Variants in APOBEC3F observed in about 807,000 individuals in gnomAD.
APOBEC3F encodes DNA dC->dU-editing enzyme APOBEC-3F.
APOBEC3F carries 34 observed loss-of-function variants against 45.8 expected under a neutral mutation model. That is an observed-to-expected ratio of 0.74 (90% confidence interval 0.57 to 0.99). The LOEUF (loss-of-function observed/expected upper bound fraction) is 0.99. Ranked by LOEUF, APOBEC3F falls within the 50% of genes least tolerant of loss-of-function variation. The pLI, the probability that APOBEC3F is intolerant of heterozygous loss-of-function variation, is 0.00. For synonymous variants in APOBEC3F, 192 were observed against 174.4 expected, an observed-to-expected ratio of 1.10 and a Z score of -0.80; for missense variants, 459 against 474.1, an observed-to-expected ratio of 0.97 and a Z score of 0.30.
chr22:39,045,836 A>G (rs145600842), intron 4 of APOBEC3F, among the ~76,000 whole-genome samples: 3,077 of 152,022 alleles, frequency 0.02, 41 homozygotes, highest in South Asian at 0.039. Context: ...TCTCCCTGGC[A>G]TAATCGAATT....
At chr22:39,051,387 A>G (rs1395480196) in intron 5 of APOBEC3F, among the ~76,000 whole-genome samples, 5 of 151,662 alleles carry the variant, frequency 3.3e-5, no homozygotes, top group African/African-American at 4.8e-5. Context: ...AATACAAAAA[A>G]TTAGCCAGGC....
At chr22:39,041,328 A>G (rs564637330) in intron 1 of APOBEC3F, among the ~76,000 whole-genome samples, 20 of 151,412 alleles carry the variant, frequency 1.3e-4, no homozygotes, top group African/African-American at 4.1e-4. Flanking sequence ...AATTGAACCA[A>G]AGGATGATTA....
chr22:39,041,901 T>C (rs1926920310), intron 1 of APOBEC3F, among the ~76,000 whole-genome samples: 1 of 151,832 alleles, frequency 6.6e-6, no homozygotes, highest in African/African-American at 2.4e-5. Context: ...ATGGAATATA[T>C]GGGAAAAAAA....
In APOBEC3F at chr22:39,054,708, C is replaced by A. The variant is rs770811689; in HGVS notation, c.*2013C>A. Among the ~76,000 whole-genome samples, 2 of 152,236 alleles carry A rather than the reference C, an allele frequency of 1.3e-5. No homozygotes were observed. The highest frequency in any genetic ancestry group is 2.9e-5 in the Non-Finnish European group (2 of 68,042). On this transcript the variant is annotated 3_prime_UTR_variant, in exon 7 of 7. Transcript: ENST00000308521. Reference sequence around the variant, plus strand: ...CGGACTGCGTGTATGTCCCAAATTACAATTCTTTCTTTGCAAATGAAATGT... The same window carrying A: ...CGGACTGCGTGTATGTCCCAAATTAAAATTCTTTCTTTGCAAATGAAATGT...
chr22:39,045,157 T>A lies in APOBEC3F; in HGVS notation c.388T>A (p.Tyr130Asn). ...ARLYYYWERDYRRALCRLSQA... is the reference protein window; with the variant it reads ...ARLYYYWERDNRRALCRLSQA... The stretch of plus-strand genomic sequence containing the variant: ...CCTCTACTACTACTGGGAAAGAGAT[T>A]ACCGAAGGGCGCTCTGCAGGCTGAG... The change falls in exon 3 of 7, where the codon TAC (tyrosine) becomes AAC (asparagine). Residue 130 changes from tyrosine to asparagine, a missense_variant. Physicochemically the swap from Tyr to Asn is moderately radical, Grantham distance 143 (BLOSUM62 -2). Coordinates refer to ENST00000308521, the MANE Select transcript of APOBEC3F (RefSeq NM_145298.6). 1.9e-6 allele frequency: 3 copies of A among 1,614,122 alleles called. No individual in the cohort carries two copies. Among genetic ancestry groups the A allele is most frequent in the Non-Finnish European group, 2.5e-6 (3 of 1,180,002 alleles).
chr22:39,047,930 C>G (rs551596816), intron 4 of APOBEC3F, among the ~76,000 whole-genome samples: 2 of 152,252 alleles, frequency 1.3e-5, no homozygotes, highest in Admixed American at 1.3e-4. Flanking sequence ...TGTTTCAACA[C>G]AAAGTCTTAG....
At chr22:39,047,040 C>T (rs1569071220) in intron 4 of APOBEC3F, among the ~76,000 whole-genome samples, 1 of 152,156 alleles carries the variant, frequency 6.6e-6, no homozygotes, top group African/African-American at 2.4e-5. Context: ...CACCAGCCTC[C>T]ACCCTTCTGT....
At chr22:39,043,948 C>T in intron 2 of APOBEC3F, 1 of 1,284,960 alleles carries the variant, frequency 7.8e-7, no homozygotes, top group Non-Finnish European at 1.0e-6. Context: ...CCGCTTGAAC[C>T]CATGAGGCAG....
intron 4 of APOBEC3F, 85 bp downstream of exon 4, chr22:39,045,627 G>A (rs1927179506): frequency 1.3e-6 from 2 of 1,597,220 alleles, no homozygotes; most frequent in Non-Finnish European, 1.7e-6. Context: ...AGGCCCTCCT[G>A]CCCTCCGTCC....
rs1262855748 is a variant in APOBEC3F, at chr22:39,040,957, A to G, written c.-4A>G. ...AGATCTTAGTCGGGACTAGCCGGCC[A>G]AGGATGAAGCCTCACTTCAGGTACC... On this transcript the variant is annotated 5_prime_UTR_variant, in exon 1 of 7. Coordinates refer to ENST00000308521, the MANE Select transcript of APOBEC3F (RefSeq NM_145298.6). The G allele has an allele frequency of 3.8e-6, 6 of 1,580,602 alleles. No homozygotes were observed. In the Admixed American group the frequency reaches 9.2e-5, roughly 24 times the overall value.
At chr22:39,043,467 ATT>A (rs542976503) in intron 2 of APOBEC3F, among the ~76,000 whole-genome samples, 2 of 139,010 alleles carry the variant, frequency 1.4e-5, no homozygotes. Context: ...CGCCCAGCTA[ATT>A]TTTTTTTTTT....
At chr22:39,045,840 T>C (rs1927190386) in intron 4 of APOBEC3F, among the ~76,000 whole-genome samples, 2 of 151,838 alleles carry the variant, frequency 1.3e-5, no homozygotes, top group African/African-American at 2.4e-5. Context: ...CCTGGCATAA[T>C]CGAATTTGTC....
At position 39,054,098 on chromosome 22, in the gene APOBEC3F, T is replaced by C. The variant is rs556893320; in HGVS notation, c.*1403T>C. On this transcript the variant is annotated 3_prime_UTR_variant, in exon 7 of 7. Coordinates refer to ENST00000308521, the MANE Select transcript of APOBEC3F (RefSeq NM_145298.6). ...TGCGGTCTCGGCTCACTGCAACCTC[T>C]GCCTCCCTTGTTCAAGTGATTCTCC... 9.0e-3 allele frequency among the ~76,000 whole-genome samples: 1,376 copies of C among 152,148 alleles called. 25 individuals carry two copies. Among genetic ancestry groups the C allele is most frequent in the African/African-American group, 0.031 (1,296 of 41,524 alleles).
intron 5 of APOBEC3F, among the ~76,000 whole-genome samples, chr22:39,049,891 C>A (rs544921037): frequency 6.6e-6 from 1 of 151,704 alleles, no homozygotes; most frequent in South Asian, 2.1e-4. Flanking sequence ...TTAGTAGAGA[C>A]GGGGTTTCAC....
At chr22:39,043,735 C>T (rs1418079964) in intron 2 of APOBEC3F, among the ~76,000 whole-genome samples, 4 of 151,748 alleles carry the variant, frequency 2.6e-5, no homozygotes, top group African/African-American at 9.7e-5. Flanking sequence ...GCTGTGTAGG[C>T]CACGCTTGGT....
intron 4 of APOBEC3F, among the ~76,000 whole-genome samples, chr22:39,048,224 C>G (rs748636253): frequency 5.3e-5 from 8 of 152,198 alleles, no homozygotes; most frequent in Admixed American, 5.2e-4. Flanking sequence ...AGGGCTGGCC[C>G]GGAAAGGGGC....
chr22:39,049,521 C>G lies in APOBEC3F; in HGVS notation c.663C>G (p.Thr221=). The change falls in exon 5 of 7, where the codon ACC becomes ACG. Residue 221 remains threonine (T), a synonymous_variant. Transcript: ENST00000308521. The stretch of plus-strand genomic sequence containing the variant: ...GGAACGAAAGCTGGCTGTGCTTCAC[C>G]ATGGAAGTTGTAAAGCACCACTCAC... ...YGRNESWLCF[T]MEVVKHHSPV... 6.2e-7 allele frequency: 1 copy of G among 1,614,044 alleles called. No individual in the cohort carries two copies. Among genetic ancestry groups the G allele is most frequent in the Non-Finnish European group, 8.5e-7 (1 of 1,180,004 alleles).
In APOBEC3F at chr22:39,052,890, T is replaced by C; in HGVS notation, c.*195T>C. ...CCAGGCTCTTCCTGCAGAGGCCTCTTTCTGCCTCCATGGCTATCCATCCAC... is the reference window on the plus strand; with the variant it reads ...CCAGGCTCTTCCTGCAGAGGCCTCTCTCTGCCTCCATGGCTATCCATCCAC... On this transcript the variant is annotated 3_prime_UTR_variant, in exon 7 of 7. Transcript: ENST00000308521. 7.8e-7 allele frequency: 1 copy of C among 1,278,224 alleles called. No homozygotes were observed. Among genetic ancestry groups the C allele is most frequent in the East Asian group, 2.8e-5 (1 of 35,766 alleles). 79.2% of individuals were successfully genotyped at this position (1,278,224 alleles called of 1,614,324 possible).
intron 4 of APOBEC3F, among the ~76,000 whole-genome samples, chr22:39,048,825 A>C (rs902698258): frequency 6.6e-6 from 1 of 151,844 alleles, no homozygotes; most frequent in Non-Finnish European, 1.5e-5. Context: ...AAATAAATAA[A>C]AGTACAAAAA....
Sources: allele counts gnomAD v4.1 joint callset (sites outside exome capture counted in the v4.1 genomes callset), GRCh38; gene constraint gnomAD v4.1.1; transcripts MANE v1.5; gene names NCBI Gene and HGNC (gene_info 2026-07-23, HGNC 2026-07-21).